RYR3: variants seen among roughly 807,000 people sequenced by gnomAD.
The protein encoded by RYR3 is brain ryanodine receptor-calcium release channel.
RYR3 carries 207 observed loss-of-function variants against 584.3 expected under a neutral mutation model. That is an observed-to-expected ratio of 0.35 (90% confidence interval 0.32 to 0.40). The LOEUF is 0.40. Among genes scored for constraint, RYR3 ranks in the 10% least tolerant of loss-of-function variants. The pLI is 1.00. For missense variants in RYR3, 5,616 were observed against 6,089.2 expected, an observed-to-expected ratio of 0.92 and a Z score of 2.59; for synonymous variants, 2,416 against 2,248.5, an observed-to-expected ratio of 1.07 and a Z score of -2.11.
At position 33,736,264 on chromosome 15, in the gene RYR3, T is replaced by A; in HGVS notation, c.7454T>A (p.Leu2485His). Residue 2485 changes from leucine (L) to histidine (H), a missense_variant, in exon 49 of 104, where the codon CTC becomes CAC. By Grantham distance (99) the Leu-to-His change is moderately conservative. Around this residue, in one of 9 missense-constraint regions of RYR3, gnomAD observed 1,280 missense variants for 1,426.2 expected, o/e 0.90. Transcript: ENST00000634891. ...NHLRPSMLQQ[L>H]LRRLVFDVPQ... is the part of the protein sequence containing the mutation. ...TTGAGGCCTTCCATGTTACAGCAAC[T>A]CCTGCGACGCCTCGTTTTTGATGTG... 6.2e-7 allele frequency: 1 copy of A among 1,613,372 alleles called. No individual in the cohort carries two copies. The highest frequency in any genetic ancestry group is 1.1e-5 in the South Asian group (1 of 90,948).
intron 1 of RYR3, among the ~76,000 whole-genome samples, chr15:33,360,457 A>AT (rs1467271809): frequency 6.6e-6 from 1 of 152,184 alleles, no homozygotes; most frequent in African/African-American, 2.4e-5. Flanking sequence ...CCAGAAGTTT[A>AT]TTCCTTTTCA....
At chr15:33,453,248 TAAAC>T (rs1567269937) in intron 1 of RYR3, among the ~76,000 whole-genome samples, 1 of 146,224 alleles carries the variant, frequency 6.8e-6, no homozygotes, top group African/African-American at 2.7e-5. Context: ...AGAAAAAAAA[TAAAC>T]CTTAATTACT....
intron 1 of RYR3, among the ~76,000 whole-genome samples, chr15:33,380,291 C>T (rs575961154): frequency 4.6e-5 from 7 of 152,280 alleles, no homozygotes; most frequent in South Asian, 2.1e-4. Context: ...GCTCCCAGTG[C>T]CTCAGGCTTA....
intron 45 of RYR3, among the ~76,000 whole-genome samples, chr15:33,725,840 G>A (rs541361838): frequency 1.5e-4 from 23 of 150,730 alleles, no homozygotes; most frequent in Non-Finnish European, 3.2e-4. Flanking sequence ...TGTGGTGGCG[G>A]GCGCCTGTAG....
rs59194438 is a variant in RYR3, at chr15:33,541,333, GTGTT to G, written c.646+446_646+449del. On this transcript the variant is annotated intron_variant, in intron 7 of 103. Transcript: ENST00000634891. The stretch of plus-strand genomic sequence containing the variant: ...GCGAAGCACTTACTCTATTATAAAA[GTGTT>G]TGGTCATTTGTTTTCACTTGTATTT... 9.6e-3 allele frequency among the ~76,000 whole-genome samples: 1,466 copies of G among 152,240 alleles called. 24 individuals are homozygous for G. The highest frequency in any genetic ancestry group is 0.032 in the African/African-American group (1,316 of 41,552).
chr15:33,697,306 A>C (rs185651089), intron 39 of RYR3, among the ~76,000 whole-genome samples: 14 of 152,338 alleles, frequency 9.2e-5, no homozygotes, highest in Admixed American at 7.2e-4. Flanking sequence ...AAGACAATAC[A>C]GTTAGATAAT....
intron 2 of RYR3, among the ~76,000 whole-genome samples, chr15:33,502,287 C>T (rs1018483256): frequency 3.3e-5 from 5 of 152,146 alleles, no homozygotes; most frequent in African/African-American, 1.2e-4. Context: ...TAAAGATGGT[C>T]AATTCCATTA....
chr15:33,505,481 T>C (rs1265593237), intron 3 of RYR3, among the ~76,000 whole-genome samples: 1 of 152,134 alleles, frequency 6.6e-6, no homozygotes, highest in East Asian at 1.9e-4. Flanking sequence ...TCTCAAACAC[T>C]TCCAGTTTAG....
intron 18 of RYR3, among the ~76,000 whole-genome samples, chr15:33,610,974 ATT>A (rs1169609121): frequency 6.6e-6 from 1 of 152,118 alleles, no homozygotes; most frequent in Non-Finnish European, 1.5e-5. Context: ...CGCATTTTGG[ATT>A]TTTAGATTAA....
At chr15:33,664,369 G>T (rs1315040435) in intron 36 of RYR3, among the ~76,000 whole-genome samples, 1 of 151,910 alleles carries the variant, frequency 6.6e-6, no homozygotes, top group Non-Finnish European at 1.5e-5. Context: ...ATCCTAGTGA[G>T]AAATTTCTAA....
At chr15:33,420,950 T>C (rs2044200426) in intron 1 of RYR3, among the ~76,000 whole-genome samples, 1 of 152,112 alleles carries the variant, frequency 6.6e-6, no homozygotes. Context: ...TGCTGGAGAC[T>C]GAGGAGGTGT....
rs553354987 is a variant in RYR3, at chr15:33,660,284, A to T, written c.4483A>T (p.Ile1495Phe). ...QCPPRLDVQT[I>F]QPVLWSRMPN... ...TCCACCTCGGCTGGACGTCCAAACC[A>T]TCCAGCCCGTGCTCTGGAGCCGCAT... Residue 1495 changes from isoleucine (I) to phenylalanine (F), a missense_variant, in exon 34 of 104, where the codon ATC becomes TTC. Ile to Phe is a conservative substitution (Grantham distance 21). Transcript: ENST00000634891. 1.2e-5 allele frequency: 18 copies of T among 1,563,190 alleles called. No homozygotes were observed. Among genetic ancestry groups the T allele is most frequent in the Admixed American group, 5.7e-5 (3 of 52,272 alleles).
At chr15:33,698,239 C>A (rs966837763) in intron 40 of RYR3, among the ~76,000 whole-genome samples, 1 of 152,212 alleles carries the variant, frequency 6.6e-6, no homozygotes, top group Non-Finnish European at 1.5e-5. Context: ...TATTCAGTTG[C>A]TAAGTTTACT....
intron 85 of RYR3, among the ~76,000 whole-genome samples, chr15:33,827,901 A>G (rs2077462976): frequency 6.6e-6 from 1 of 152,168 alleles, no homozygotes; most frequent in South Asian, 2.1e-4. Context: ...GTAAAGATTG[A>G]GAGGTTGGAT....
intron 38 of RYR3, among the ~76,000 whole-genome samples, chr15:33,680,124 T>C (rs2064483283): frequency 6.6e-6 from 1 of 152,166 alleles, no homozygotes; most frequent in Non-Finnish European, 1.5e-5. Flanking sequence ...AAAATGAGAA[T>C]AATAGTAGCT....
intron 3 of RYR3, among the ~76,000 whole-genome samples, chr15:33,505,662 T>A (rs1386921871): frequency 6.6e-6 from 1 of 152,160 alleles, no homozygotes; most frequent in Non-Finnish European, 1.5e-5. Flanking sequence ...CGGCTAATTT[T>A]TTTGTATTTT....
At chr15:33,625,899 G>GA (rs1273504028) in intron 20 of RYR3, among the ~76,000 whole-genome samples, 2 of 152,162 alleles carry the variant, frequency 1.3e-5, no homozygotes, top group Non-Finnish European at 2.9e-5. Flanking sequence ...GAGGAGTCCA[G>GA]AAAAAGCCCC....
chr15:33,632,807 G>GC (rs2061333298), intron 23 of RYR3, 142 bp from the exon 24 acceptor site: 3 of 629,728 alleles, frequency 4.8e-6, no homozygotes, highest in Non-Finnish European at 8.2e-6. Context: ...ACAGAGCTGA[G>GC]CTATTTGTTC....
chr15:33,591,376 G>T, intron 16 of RYR3, among the ~76,000 whole-genome samples: 1 of 152,046 alleles, frequency 6.6e-6, no homozygotes. Context: ...TCTGTGGTAG[G>T]GACTGTCTTT....
Sources: allele counts gnomAD v4.1 joint callset (sites outside exome capture counted in the v4.1 genomes callset), GRCh38; gene constraint gnomAD v4.1.1; regional missense constraint gnomAD v4.1.1; transcripts MANE v1.5; gene names NCBI Gene and HGNC (gene_info 2026-07-23, HGNC 2026-07-21).